The following NAA16 variants were observed in gnomAD, a reference collection of about 807,000 sequenced individuals.
NAA16 encodes N-alpha-acetyltransferase 16, NatA auxiliary subunit, also known as NARG1-like protein.
A neutral mutation model predicts 110.3 loss-of-function variants in NAA16; 97 were observed. The ratio of observed to expected loss-of-function variants is 0.88; its 90% confidence interval spans 0.75 to 1.04. NAA16 has a LOEUF of 1.04. Ranked by LOEUF, NAA16 falls within the 50% of genes least tolerant of loss-of-function variation. The probability of loss-of-function intolerance (pLI) is 0.00; values close to 1 mark genes in which losing one functional copy is unlikely to be tolerated. For synonymous variants in NAA16, 372 were observed against 330.6 expected (o/e 1.13, Z -1.36); for missense variants, 1,017 against 1,005.1 (o/e 1.01, Z -0.16).
intron 18 of NAA16, 65 bp from the exon 19 acceptor site, chr13:41,374,677 A>G (rs1029159089): frequency 9.4e-7 from 1 of 1,063,766 alleles, no homozygotes; most frequent in East Asian, 2.4e-5. Context: ...GTCACTGGCC[A>G]GTTGATATCA....
At chr13:41,324,304 T>G in intron 5 of NAA16, among the ~76,000 whole-genome samples, 1 of 151,910 alleles carries the variant, frequency 6.6e-6, no homozygotes, top group Non-Finnish European at 1.5e-5. Context: ...AACTTTCCTT[T>G]GAACACAAAA....
At chr13:41,317,310 T>A (rs2041834502) in intron 2 of NAA16, among the ~76,000 whole-genome samples, 1 of 152,124 alleles carries the variant, frequency 6.6e-6, no homozygotes, top group Non-Finnish European at 1.5e-5. Context: ...TCACCTGCAC[T>A]TTATTCTTTG....
rs575960765 is a variant in NAA16, at chr13:41,324,460, C to T, written c.538-1238C>T. On this transcript the variant is annotated intron_variant, in intron 5 of 19. Transcript: ENST00000379406. ...GTGCAATCTCGGCTCACTGCAACCTCCGCCTACCAGGTTCAAGCAATTACC... is the reference window on the plus strand; with the variant it reads ...GTGCAATCTCGGCTCACTGCAACCTTCGCCTACCAGGTTCAAGCAATTACC... Among the ~76,000 whole-genome samples the T allele has an allele frequency of 2.3e-4, 33 of 140,692 alleles. 1 individual carries two copies. The South Asian group carries it at 7.6e-3, about 32-fold the overall frequency. 92.3% of individuals were successfully genotyped at this position (140,692 alleles called of 152,430 possible). A position where few individuals can be genotyped will look rare whatever the true frequency, so the allele number is the denominator to read the frequency against.
chr13:41,322,971 A>C (rs2041984593), intron 4 of NAA16, 85 bp from the exon 5 acceptor site: 2 of 1,181,260 alleles, frequency 1.7e-6, no homozygotes, highest in South Asian at 2.6e-5. Flanking sequence ...GTTCATTAGA[A>C]ATGTGTTAAA....
At chr13:41,324,675 A>G (rs1451099018) in intron 5 of NAA16, among the ~76,000 whole-genome samples, 1 of 149,994 alleles carries the variant, frequency 6.7e-6, no homozygotes, top group African/African-American at 2.5e-5. Context: ...TGCCCGGCCA[A>G]TTTCTGTTTT....
At chr13:41,343,787 C>A (rs546032127) in intron 9 of NAA16, among the ~76,000 whole-genome samples, 5 of 151,850 alleles carry the variant, frequency 3.3e-5, no homozygotes, top group Non-Finnish European at 5.9e-5. Flanking sequence ...GCAGTCTGCC[C>A]GCCTTGGCCT....
chr13:41,373,134 G>A (rs960130601), intron 17 of NAA16: 3 of 946,070 alleles, frequency 3.2e-6, no homozygotes, highest in Non-Finnish European at 3.8e-6. Flanking sequence ...AAATAAACCT[G>A]TTAGCCAAGA....
At chr13:41,357,118 G>T (rs1210064075) in intron 10 of NAA16, among the ~76,000 whole-genome samples, 1 of 152,190 alleles carries the variant, frequency 6.6e-6, no homozygotes, top group Non-Finnish European at 1.5e-5. Context: ...GCCAGGATTT[G>T]GAGGCCAGCC....
Position 41,375,443 on chromosome 13 carries a change from C to G in NAA16, c.2436C>G (p.Ser812Arg). 1 of 1,613,804 alleles carries G rather than the reference C, an allele frequency of 6.2e-7. No homozygotes were observed. Reference sequence around the variant, plus strand: ...TTTCTGAAGCACTGCTTGATGGCAGCTTTGGGAACTGTAGTTCCCAATATG... The same window carrying G: ...TTTCTGAAGCACTGCTTGATGGCAGGTTTGGGAACTGTAGTTCCCAATATG... ...IKVSEALLDG[S>R]FGNCSSQYEE... Residue 812 changes from serine to arginine, a missense_variant, in exon 20 of 20, where the codon AGC (serine) becomes AGG (arginine). Transcript: ENST00000379406.
rs547264387 is a variant in NAA16 at position 41,364,309 on chromosome 13, G to T, written c.1539+2150G>T. On this transcript the variant is annotated intron_variant, in intron 13 of 19. Transcript: ENST00000379406. Reference sequence around the variant, plus strand: ...CTTTTGTTGAAGGCAGTTTCAGTCAGGATACATACTGCTTTGAGCTCTTAG... The same window carrying T: ...CTTTTGTTGAAGGCAGTTTCAGTCATGATACATACTGCTTTGAGCTCTTAG... 5.9e-5 allele frequency among the ~76,000 whole-genome samples: 9 copies of T among 152,176 alleles called. No individual in the cohort carries two copies. In the South Asian group the frequency reaches 8.3e-4, roughly 14 times the overall value.
chr13:41,318,744 TTAAGAGAA>T (rs1253066051), intron 2 of NAA16, 54 bp from the exon 3 acceptor site: 4 of 817,338 alleles, frequency 4.9e-6, no homozygotes, highest in East Asian at 5.8e-5. Context: ...TAAAGTACTA[TTAAGAGAA>T]TAAGAGAATA....
At chr13:41,329,799 A>G (rs1294888688) in intron 7 of NAA16, among the ~76,000 whole-genome samples, 2 of 152,014 alleles carry the variant, frequency 1.3e-5, no homozygotes, top group African/African-American at 4.8e-5. Context: ...TTTTCTTTAA[A>G]CTAGTAACAT....
intron 6 of NAA16, 31 bp downstream of exon 6, chr13:41,325,882 C>G (rs1176114596): frequency 6.4e-7 from 1 of 1,553,384 alleles, no homozygotes; most frequent in Non-Finnish European, 8.7e-7. Context: ...TTAATAGCCT[C>G]AAACAGAAAA....
At chr13:41,362,503 C>CT in intron 13 of NAA16, 1 of 363,498 alleles carries the variant, frequency 2.8e-6, no homozygotes, top group Non-Finnish European at 5.2e-6. Context: ...ATGGCAACCT[C>CT]TTTCCCCTTT....
Position 41,355,185 on chromosome 13 carries a change from T to G in NAA16, c.1056T>G (p.Ser352=), listed in dbSNP as rs775001933. 1 of 1,589,798 alleles carries G rather than the reference T, an allele frequency of 6.3e-7. No individual in the cohort carries two copies. The highest frequency in any genetic ancestry group is 1.2e-5 in the South Asian group (1 of 86,776). ...AACTTGTTACTAATTATGAAGCCTCTCTTAAAACGTGTGACTTTTTTAGCC... is the reference window on the plus strand; with the variant it reads ...AACTTGTTACTAATTATGAAGCCTCGCTTAAAACGTGTGACTTTTTTAGCC... ...IQELVTNYEA[S]LKTCDFFSPY... The change falls in exon 10 of 20, where the codon TCT becomes TCG. Residue 352 remains serine (S), a synonymous_variant. Coordinates refer to ENST00000379406, the MANE Select transcript of NAA16 (RefSeq NM_024561.5).
chr13:41,374,577 G>T, intron 18 of NAA16, 165 bp from the exon 19 acceptor site: 1 of 537,192 alleles, frequency 1.9e-6, no homozygotes, highest in Non-Finnish European at 3.3e-6. Context: ...TGAATAGGAG[G>T]TAGGGAAGAA....
Position 41,311,400 on chromosome 13 carries a change from A to C in NAA16, c.-129A>C, listed in dbSNP as rs1001305168. 5 of 853,892 alleles carry C rather than the reference A, an allele frequency of 5.9e-6. No homozygotes were observed. In the Middle Eastern group the frequency reaches 9.0e-4, roughly 154 times the overall value. The allele number at this position is 853,892 out of a possible 1,614,324, so 52.9% of individuals were successfully genotyped here. A position where few individuals can be genotyped will look rare whatever the true frequency, so the allele number is the denominator to read the frequency against. ...CCAGGCTGCCCAATTGCAACTGTAG[A>C]CCAATGAACTAATCCATCGCCCGCA... is the stretch of plus-strand genomic sequence containing the variant. On this transcript the variant is annotated 5_prime_UTR_variant, in exon 1 of 20. Coordinates refer to ENST00000379406, the MANE Select transcript of NAA16 (RefSeq NM_024561.5).
At chr13:41,335,370 A>G (rs144723173) in intron 8 of NAA16, among the ~76,000 whole-genome samples, 108 of 152,318 alleles carry the variant, frequency 7.1e-4, no homozygotes, top group Middle Eastern at 3.4e-3. Flanking sequence ...TTTTTAATGG[A>G]CAAGTTATTT....
intron 9 of NAA16, among the ~76,000 whole-genome samples, chr13:41,342,598 T>C (rs1303708492): frequency 6.6e-6 from 1 of 152,180 alleles, no homozygotes; most frequent in African/African-American, 2.4e-5. Flanking sequence ...AAATCAAAAC[T>C]AGAAACAAAC....
Sources: allele counts gnomAD v4.1 joint callset (sites outside exome capture counted in the v4.1 genomes callset), GRCh38; gene constraint gnomAD v4.1.1; transcripts MANE v1.5; gene names NCBI Gene and HGNC (gene_info 2026-07-23, HGNC 2026-07-21).